Variants in SOX6 observed in about 807,000 individuals in gnomAD.
SOX6 encodes the protein transcription factor SOX-6.
A neutral mutation model predicts 97.8 loss-of-function variants in SOX6; 11 were observed. The ratio of observed to expected loss-of-function variants is 0.11; its 90% CI spans 0.07 to 0.19. The LOEUF (loss-of-function observed/expected upper bound fraction) is 0.19, where lower values mean the gene tolerates loss of function less well. SOX6 is among the 10% of genes least tolerant of loss of function. The pLI, the probability that SOX6 is intolerant of heterozygous loss-of-function variation, is 1.00. For synonymous variants in SOX6, 360 were observed against 371.4 expected, an observed-to-expected ratio of 0.97 and a Z score of 0.35; for missense variants, 810 against 1,039.5, an observed-to-expected ratio of 0.78 and a Z score of 3.04.
At chr11:16,410,620 T>C (rs1858786293) in intron 1 of SOX6, among the ~76,000 whole-genome samples, 1 of 151,490 alleles carries the variant, frequency 6.6e-6, no homozygotes, top group African/African-American at 2.4e-5. Context: ...TAGCCAGGCA[T>C]GGTGGTGTGC....
chr11:16,595,285 C>A (rs981088435), intron 4 of SOX6, among the ~76,000 whole-genome samples: 2 of 151,990 alleles, frequency 1.3e-5, no homozygotes, highest in African/African-American at 4.8e-5. Flanking sequence ...ACGGCCATAG[C>A]TTCTCTAGCC....
chr11:16,308,504 T>C (rs1210901099), intron 3 of SOX6, among the ~76,000 whole-genome samples: 2 of 152,172 alleles, frequency 1.3e-5, no homozygotes, highest in East Asian at 3.9e-4. Flanking sequence ...CCCAAGCCAA[T>C]ATCTGTAAGG....
At chr11:16,279,563 T>C (rs1349529641) in intron 3 of SOX6, among the ~76,000 whole-genome samples, 1 of 152,094 alleles carries the variant, frequency 6.6e-6, no homozygotes, top group Non-Finnish European at 1.5e-5. Context: ...TTATTAAATA[T>C]TTTTAATACA....
At chr11:15,975,658 G>A (rs1206400348) in intron 15 of SOX6, among the ~76,000 whole-genome samples, 1 of 152,158 alleles carries the variant, frequency 6.6e-6, no homozygotes, top group Non-Finnish European at 1.5e-5. Context: ...AGCCTGAGAG[G>A]TAGGTATCAT....
intron 4 of SOX6, among the ~76,000 whole-genome samples, chr11:16,226,408 A>C (rs1565032110): frequency 6.6e-6 from 1 of 151,900 alleles, no homozygotes; most frequent in Non-Finnish European, 1.5e-5. Flanking sequence ...TAACTCAAAC[A>C]ACCAACATTA....
chr11:16,526,669 C>G (rs750318602), intron 4 of SOX6, among the ~76,000 whole-genome samples: 135 of 151,870 alleles, frequency 8.9e-4, no homozygotes, highest in Admixed American at 3.1e-3. Context: ...AAGTAAATCT[C>G]TCTCCCAAAT....
At chr11:16,485,281 C>T (rs1158037204) in intron 4 of SOX6, among the ~76,000 whole-genome samples, 2 of 152,060 alleles carry the variant, frequency 1.3e-5, no homozygotes, top group African/African-American at 2.4e-5. Flanking sequence ...AGTGTCTACA[C>T]AAAACAAAAC....
Position 16,594,684 on chromosome 11 carries a change from C to CTTTTTTTTTTTTTTTT in SOX6, n.609+17381_609+17396dup, listed in dbSNP as rs10653599. Among the ~76,000 whole-genome samples the CTTTTTTTTTTTTTTTT allele has an allele frequency of 7.3e-5, 5 of 68,266 alleles. 1 individual carries two copies. In the Admixed American group the frequency reaches 8.5e-4, roughly 12 times the overall value. 44.8% of individuals were successfully genotyped at this position (68,266 alleles called of 152,430 possible). ...ATTTTTATTTTCTTTTCGGTTTTTG[C>CTTTTTTTTTTTTTTTT]TTTTTTTTTTTTTTTTTTTTTTTTT... is the stretch of plus-strand genomic sequence containing the variant. On this transcript the variant is annotated intron_variant and non_coding_transcript_variant, in intron 4 of 5. Coordinates refer to the SOX6 transcript ENST00000524520.
chr11:16,357,453 T>C (rs137914345), upstream of SOX6, among the ~76,000 whole-genome samples: 1 of 152,258 alleles, frequency 6.6e-6, no homozygotes, highest in East Asian at 1.9e-4. Flanking sequence ...CGGTCGGCAA[T>C]TGTTAGTACT....
intron 3 of SOX6, among the ~76,000 whole-genome samples, chr11:16,631,714 C>G (rs926604988): frequency 6.6e-6 from 1 of 152,116 alleles, no homozygotes; most frequent in African/African-American, 2.4e-5. Flanking sequence ...CTCAGAAATG[C>G]CAATAATTCA....
chr11:16,133,907 G>C (rs567977928), intron 6 of SOX6, among the ~76,000 whole-genome samples: 3 of 152,182 alleles, frequency 2.0e-5, no homozygotes, highest in South Asian at 4.1e-4. Context: ...GGCTGGTCCC[G>C]AACTCCTGAC....
intron 3 of SOX6, among the ~76,000 whole-genome samples, chr11:16,622,049 G>C (rs1391332962): frequency 6.6e-6 from 1 of 151,970 alleles, no homozygotes; most frequent in Non-Finnish European, 1.5e-5. Context: ...ATTTTTAATT[G>C]ATTTTACTTT....
chr11:16,414,512 C>T (rs891123633), intron 1 of SOX6, among the ~76,000 whole-genome samples: 6 of 151,838 alleles, frequency 4.0e-5, no homozygotes, highest in African/African-American at 1.5e-4. Context: ...GAATAATGGG[C>T]ATTATATATG....
rs1209483289 is a variant in SOX6, at chr11:16,416,055, C to A, written c.-5+60260G>T. 2.0e-5 allele frequency among the ~76,000 whole-genome samples: 3 copies of A among 152,144 alleles called. No individual in the cohort carries two copies. In the East Asian group the frequency reaches 5.8e-4, roughly 29 times the overall value. On this transcript the variant is annotated intron_variant, in intron 1 of 15. Coordinates refer to the SOX6 transcript ENST00000396356. The stretch of plus-strand genomic sequence containing the variant: ...GTTGCCTACCTCTCCGTACAATGAA[C>A]ATGATCATGGTGCTCACCTCGTAAG...
rs1168798869 is a variant in SOX6, at chr11:16,048,782, A to T, written c.1435+973T>A. Among the ~76,000 whole-genome samples, 5 of 152,046 alleles carry T rather than the reference A, an allele frequency of 3.3e-5. No individual in the cohort carries two copies. In the East Asian group the frequency reaches 9.7e-4, roughly 29 times the overall value. ...AGAAATGCTAGGTCTTGTCCCTTTA[A>T]TCTTTAAATCTGTGTCTGTTTGGAA... On this transcript the variant is annotated intron_variant, in intron 11 of 15. Coordinates refer to ENST00000683767, the MANE Select transcript of SOX6 (RefSeq NM_001367873.1).
At chr11:16,431,026 T>A (rs1241335394) in intron 1 of SOX6, among the ~76,000 whole-genome samples, 1 of 152,166 alleles carries the variant, frequency 6.6e-6, no homozygotes, top group Non-Finnish European at 1.5e-5. Context: ...TTCAAGTTCA[T>A]CAAGTTCACT....
At chr11:16,620,702 T>C (rs561260029) in intron 3 of SOX6, among the ~76,000 whole-genome samples, 2 of 152,348 alleles carry the variant, frequency 1.3e-5, no homozygotes, top group African/African-American at 4.8e-5. Flanking sequence ...TGTAGTCTTT[T>C]GACCCAGAAT....
chr11:16,060,093 C>T (rs928977985), intron 9 of SOX6, among the ~76,000 whole-genome samples: 2 of 151,934 alleles, frequency 1.3e-5, no homozygotes, highest in South Asian at 4.1e-4. Context: ...CAATTTTACT[C>T]AATCTTGAGT....
intron 3 of SOX6, among the ~76,000 whole-genome samples, chr11:16,621,632 A>T (rs1848546719): frequency 6.6e-6 from 1 of 152,226 alleles, no homozygotes; most frequent in South Asian, 2.1e-4. Flanking sequence ...AGACTAGCAT[A>T]GAGTTTAATA....
Sources: allele counts gnomAD v4.1 joint callset (sites outside exome capture counted in the v4.1 genomes callset), GRCh38; gene constraint gnomAD v4.1.1; transcripts MANE v1.5; gene names NCBI Gene and HGNC (gene_info 2026-07-23, HGNC 2026-07-21).